UGP2: variants seen among roughly 807,000 people sequenced by gnomAD.
The protein encoded by UGP2 is UTP--glucose-1-phosphate uridylyltransferase.
A neutral mutation model predicts 49.0 loss-of-function variants in UGP2; 40 were observed. The observed-to-expected ratio is 0.82, with a 90% CI of 0.63 to 1.06. The LOEUF (loss-of-function observed/expected upper bound fraction) is 1.06, where lower values mean the gene tolerates loss of function less well. Ranked by LOEUF, UGP2 falls within the 50% of genes least tolerant of loss-of-function variation. The pLI is 0.00. For missense variants in UGP2, 460 were observed against 603.5 expected (o/e 0.76, Z 2.49); for synonymous variants, 225 against 213.0 (o/e 1.06, Z -0.49).
At chr2:63,888,958 A>C in intron 8 of UGP2, 1 of 152,166 alleles carries the variant, frequency 6.6e-6, no homozygotes, top group East Asian at 1.9e-4. Context: ...TCTGCCATCC[A>C]AGTCTGTTTT....
intron 1 of UGP2, among the ~76,000 whole-genome samples, chr2:63,849,897 A>C (rs1668927520): frequency 6.6e-6 from 1 of 152,174 alleles, no homozygotes; most frequent in South Asian, 2.1e-4. Flanking sequence ...GTTTCTCTAA[A>C]TGCACACATA....
At chr2:63,886,239 A>G in intron 6 of UGP2, 102 bp from the exon 7 acceptor site, 1 of 1,144,580 alleles carries the variant, frequency 8.7e-7, no homozygotes, top group Non-Finnish European at 1.3e-6. Context: ...CTGTTTCTAC[A>G]TAATGTATTT....
At chr2:63,867,032 G>A (rs981496316) in intron 3 of UGP2, among the ~76,000 whole-genome samples, 2 of 152,104 alleles carry the variant, frequency 1.3e-5, no homozygotes, top group African/African-American at 4.8e-5. Flanking sequence ...AGCTGAGCTT[G>A]TGGTTTAATT....
intron 3 of UGP2, among the ~76,000 whole-genome samples, chr2:63,861,453 AT>A (rs1669838291): frequency 6.6e-6 from 1 of 151,820 alleles, no homozygotes; most frequent in Non-Finnish European, 1.5e-5. Context: ...ATGTATTTTC[AT>A]TTCTATACAA....
chr2:63,875,308 C>A (rs144536364), intron 3 of UGP2, among the ~76,000 whole-genome samples: 2 of 152,288 alleles, frequency 1.3e-5, no homozygotes, highest in Non-Finnish European at 2.9e-5. Context: ...AAAATTCTTT[C>A]AGATTGCAAT....
chr2:63,881,431 G>A (rs1671304825), intron 3 of UGP2, among the ~76,000 whole-genome samples: 2 of 151,972 alleles, frequency 1.3e-5, no homozygotes, highest in Admixed American at 1.3e-4. Flanking sequence ...GCACTTAAGG[G>A]GTAGTTTTAT....
At chr2:63,845,959 CAAAA>C (rs775050424) in intron 1 of UGP2, 2 of 150,520 alleles carry the variant, frequency 1.3e-5, no homozygotes, top group Non-Finnish European at 3.0e-5. Context: ...ATTTCTTGGT[CAAAA>C]AAAAAGGTTC....
At chr2:63,869,202 G>A (rs1379497294) in intron 3 of UGP2, among the ~76,000 whole-genome samples, 1 of 152,160 alleles carries the variant, frequency 6.6e-6, no homozygotes, top group Non-Finnish European at 1.5e-5. Context: ...AACAGAGAAT[G>A]AAGGGGTAGA....
intron 1 of UGP2, among the ~76,000 whole-genome samples, chr2:63,845,519 TAA>T (rs11392263): frequency 6.6e-4 from 92 of 139,434 alleles, no homozygotes; most frequent in East Asian, 1.3e-3. Flanking sequence ...GTTATTATGT[TAA>T]AAAAAAAAAA....
intron 3 of UGP2, among the ~76,000 whole-genome samples, chr2:63,861,460 T>C (rs984289102): frequency 1.3e-5 from 2 of 151,924 alleles, no homozygotes; most frequent in Non-Finnish European, 2.9e-5. Context: ...TTCATTTCTA[T>C]ACAAAATATT....
At chr2:63,868,984 T>C (rs1026206327) in intron 3 of UGP2, among the ~76,000 whole-genome samples, 6 of 151,572 alleles carry the variant, frequency 4.0e-5, no homozygotes, top group African/African-American at 1.5e-4. Context: ...AAAAAGAAAG[T>C]ATATCAATTT....
intron 1 of UGP2, chr2:63,855,520 GTTTTTTTTTTT>G (rs372160888): frequency 1.4e-4 from 27 of 194,312 alleles, no homozygotes; most frequent in South Asian, 8.2e-4. Context: ...TTCTTTTTCT[GTTTTTTTTTTT>G]TTTTTTTTTT....
intron 8 of UGP2, 83 bp from the exon 9 acceptor site, chr2:63,889,998 A>G: frequency 2.8e-6 from 3 of 1,072,834 alleles, no homozygotes; most frequent in Non-Finnish European, 4.2e-6. Context: ...TCTACAGTTC[A>G]GTTAAACTTT....
intron 8 of UGP2, chr2:63,888,730 G>C (rs1376719099): frequency 6.6e-6 from 1 of 152,256 alleles, no homozygotes; most frequent in East Asian, 1.9e-4. Context: ...AACCCACACA[G>C]ATGTGGGGAG....
chr2:63,881,865 A>G (rs1671341248), intron 3 of UGP2, among the ~76,000 whole-genome samples: 1 of 152,210 alleles, frequency 6.6e-6, no homozygotes, highest in African/African-American at 2.4e-5. Flanking sequence ...TGACACCTGA[A>G]AGTTAAATTC....
intron 3 of UGP2, among the ~76,000 whole-genome samples, chr2:63,878,815 C>G (rs545085090): frequency 2.0e-5 from 3 of 152,262 alleles, no homozygotes; most frequent in Admixed American, 2.0e-4. Flanking sequence ...ATCCTCCTGC[C>G]TCAGACTCCC....
At chr2:63,846,863 T>C (rs1406358021) in intron 1 of UGP2, among the ~76,000 whole-genome samples, 1 of 152,236 alleles carries the variant, frequency 6.6e-6, no homozygotes, top group East Asian at 1.9e-4. Context: ...GACTAGGGCA[T>C]ACCCCTCATT....
chr2:63,850,916 A>C (rs1669002671), intron 1 of UGP2, among the ~76,000 whole-genome samples: 1 of 152,174 alleles, frequency 6.6e-6, no homozygotes, highest in African/African-American at 2.4e-5. Flanking sequence ...TAAATGTTAC[A>C]TGAGTATCTA....
chr2:63,856,261 G>A (rs1002242992), intron 1 of UGP2, 45 bp from the exon 2 acceptor site: 21 of 1,590,996 alleles, frequency 1.3e-5, no homozygotes, highest in East Asian at 2.2e-5. Context: ...TGTTTGAATG[G>A]CTTCCTGGAG....
Sources: allele counts gnomAD v4.1 joint callset (sites outside exome capture counted in the v4.1 genomes callset), GRCh38; gene constraint gnomAD v4.1.1; transcripts MANE v1.5; gene names NCBI Gene and HGNC (gene_info 2026-07-23, HGNC 2026-07-21).